The following AGBL4 variants were observed in gnomAD, a reference collection of about 807,000 sequenced individuals.
AGBL4 encodes AGBL carboxypeptidase 4, also known as cytosolic carboxypeptidase 6.
In AGBL4, 58 loss-of-function variants were observed where a neutral mutation model predicts 66.4. The ratio of observed to expected loss-of-function variants is 0.87; its 90% CI spans 0.71 to 1.09. AGBL4 has a LOEUF of 1.09. AGBL4 is among the 50% of genes least tolerant of loss of function. The pLI, the probability that AGBL4 is intolerant of heterozygous loss-of-function variation, is 0.00. For synonymous variants in AGBL4, 234 were observed against 222.9 expected, an observed-to-expected ratio of 1.05 and a Z score of -0.44; for missense variants, 579 against 631.0, an observed-to-expected ratio of 0.92 and a Z score of 0.88.
chr1:49,632,788 C>T (rs189498516), intron 3 of AGBL4, among the ~76,000 whole-genome samples: 342 of 151,810 alleles, frequency 2.3e-3, no homozygotes, highest in South Asian at 4.0e-3. Flanking sequence ...GAAGCACTTC[C>T]CTTTCTAGGC....
chr1:48,801,301 C>T (rs934624843), intron 6 of AGBL4, among the ~76,000 whole-genome samples: 4 of 152,242 alleles, frequency 2.6e-5, no homozygotes, highest in Non-Finnish European at 5.9e-5. Context: ...CCTGCCCACA[C>T]CGTTGGCTGC....
intron 8 of AGBL4, among the ~76,000 whole-genome samples, chr1:48,649,102 A>G (rs995630375): frequency 1.3e-5 from 2 of 152,260 alleles, no homozygotes; most frequent in African/African-American, 4.8e-5. Flanking sequence ...CTGGGGATAC[A>G]GAGAACAAGG....
chr1:49,688,805 T>A (rs973185997), intron 3 of AGBL4, among the ~76,000 whole-genome samples: 2 of 152,192 alleles, frequency 1.3e-5, no homozygotes, highest in Non-Finnish European at 2.9e-5. Context: ...TAGTTTTGAT[T>A]TGCATTTCTC....
At chr1:48,815,489 C>A (rs975942585) in intron 6 of AGBL4, among the ~76,000 whole-genome samples, 2 of 152,190 alleles carry the variant, frequency 1.3e-5, no homozygotes, top group South Asian at 4.2e-4. Context: ...TGAATCTGTG[C>A]TTAGTTAACC....
chr1:49,640,707 C>T (rs1370751463), intron 3 of AGBL4, among the ~76,000 whole-genome samples: 24 of 152,222 alleles, frequency 1.6e-4, no homozygotes, highest in Admixed American at 1.5e-3. Context: ...CCATAGAAGG[C>T]CTTGGAGAGA....
chr1:48,694,098 C>T (rs1287866520), intron 6 of AGBL4, among the ~76,000 whole-genome samples: 2 of 149,926 alleles, frequency 1.3e-5, no homozygotes, highest in Non-Finnish European at 2.9e-5. Flanking sequence ...TGGGGTGTGG[C>T]AGCTCTCACT....
rs187412242 is a variant in AGBL4 at position 49,242,311 on chromosome 1, A to G, written c.377+3459T>C. On this transcript the variant is annotated intron_variant, in intron 4 of 13. Coordinates refer to ENST00000371839, the MANE Select transcript of AGBL4 (RefSeq NM_032785.4). ...CCAATCTTTTCAATCTGCTATAATG[A>G]AAAAGCCAATCCAATAAGTTATTTC... is the stretch of plus-strand genomic sequence containing the variant. Among the ~76,000 whole-genome samples the G allele has an allele frequency of 4.0e-4, 61 of 152,156 alleles. 1 individual carries two copies. The highest frequency in any genetic ancestry group is 1.4e-3 in the African/African-American group (58 of 41,572).
At chr1:49,507,511 G>C (rs1527828) in intron 3 of AGBL4, among the ~76,000 whole-genome samples, 1,662 of 151,558 alleles carry the variant, frequency 0.011, 28 homozygotes, top group African/African-American at 0.039. Context: ...TTTTATTCTG[G>C]TGAATGTGTG....
At chr1:49,274,016 A>T (rs1039504145) in intron 3 of AGBL4, among the ~76,000 whole-genome samples, 1 of 152,204 alleles carries the variant, frequency 6.6e-6, no homozygotes, top group Non-Finnish European at 1.5e-5. Flanking sequence ...CGCCCAAAAA[A>T]GAGAGAAGAG....
chr1:49,109,498 C>T (rs1168988336), intron 4 of AGBL4, among the ~76,000 whole-genome samples: 1 of 152,220 alleles, frequency 6.6e-6, no homozygotes, highest in African/African-American at 2.4e-5. Context: ...TCCTTCCTTC[C>T]TCCCAGTGTC....
chr1:49,129,873 C>A (rs1645852137), intron 4 of AGBL4, among the ~76,000 whole-genome samples: 1 of 152,024 alleles, frequency 6.6e-6, no homozygotes. Flanking sequence ...GTTCTAGATC[C>A]CTGAGGAATC....
At chr1:49,142,774 G>A (rs1646143723) in intron 4 of AGBL4, among the ~76,000 whole-genome samples, 1 of 151,726 alleles carries the variant, frequency 6.6e-6, no homozygotes, top group African/African-American at 2.4e-5. Context: ...ATAATAAAAA[G>A]GCATAATAAA....
intron 3 of AGBL4, among the ~76,000 whole-genome samples, chr1:49,323,448 A>ATTTTTTTTTTT (rs11295329): frequency 6.1e-5 from 7 of 114,888 alleles, no homozygotes; most frequent in African/African-American, 1.4e-4. Context: ...TGCCTGGCTA[A>ATTTTTTTTTTT]TTTTTTTTTT....
chr1:49,977,722 C>T (rs969813420), intron 1 of AGBL4, among the ~76,000 whole-genome samples: 2 of 152,132 alleles, frequency 1.3e-5, no homozygotes, highest in East Asian at 3.9e-4. Flanking sequence ...TTTCAATTGG[C>T]TAATTTTTGT....
intron 4 of AGBL4, among the ~76,000 whole-genome samples, chr1:49,161,783 A>G (rs1350204544): frequency 6.6e-6 from 1 of 152,082 alleles, no homozygotes. Context: ...GGGGAAGCAC[A>G]CATACTGCAA....
chr1:48,820,717 C>A (rs1396355157), intron 6 of AGBL4, among the ~76,000 whole-genome samples: 1 of 152,126 alleles, frequency 6.6e-6, no homozygotes, highest in Non-Finnish European at 1.5e-5. Flanking sequence ...CTACCTAGTT[C>A]TCAGGCCTTT....
At chr1:49,347,252 C>CTTTTTTTTTTTTTTTT (rs35313917) in intron 3 of AGBL4, among the ~76,000 whole-genome samples, 2 of 115,862 alleles carry the variant, frequency 1.7e-5, no homozygotes, top group Non-Finnish European at 3.7e-5. Context: ...TTCTTTCTTT[C>CTTTTTTTTTTTTTTTT]TTTTTTTTTT....
At chr1:48,712,726 A>G (rs542089752) in intron 6 of AGBL4, among the ~76,000 whole-genome samples, 1 of 152,288 alleles carries the variant, frequency 6.6e-6, no homozygotes, top group South Asian at 2.1e-4. Flanking sequence ...CGTTCTGGGG[A>G]TGGCACACAG....
chr1:49,675,341 T>C (rs1349187333), intron 3 of AGBL4, among the ~76,000 whole-genome samples: 8 of 152,040 alleles, frequency 5.3e-5, no homozygotes, highest in Non-Finnish European at 1.0e-4. Context: ...TACTGTATAT[T>C]CTCATTTATA....
Sources: gnomAD v4.1 joint callset for allele counts (sites outside exome capture counted in the v4.1 genomes callset) on GRCh38, gnomAD v4.1.1 for gene constraint, MANE v1.5 for transcripts, NCBI Gene and HGNC (gene_info 2026-07-23, HGNC 2026-07-21) for gene names.